Variants in DSCAML1 observed in about 807,000 individuals in gnomAD.
The protein encoded by DSCAML1 is DS cell adhesion molecule like 1, also known as cell adhesion molecule DSCAML1.
In DSCAML1, 38 loss-of-function variants were observed where a neutral mutation model predicts 200.5. That is an observed-to-expected ratio of 0.19 (90% CI 0.15 to 0.25). The LOEUF is 0.25. Among genes scored for constraint, DSCAML1 ranks in the 10% least tolerant of loss-of-function variants. DSCAML1 has a pLI of 1.00. For missense variants in DSCAML1, 2,223 were observed against 2,858.8 expected (o/e 0.78, Z 5.07); for synonymous variants, 1,215 against 1,165.0 (o/e 1.04, Z -0.87).
At chr11:117,802,781 G>A (rs1432368671) in intron 1 of DSCAML1, among the ~76,000 whole-genome samples, 3 of 152,028 alleles carry the variant, frequency 2.0e-5, no homozygotes, top group East Asian at 3.9e-4. Context: ...TTATGTTTTC[G>A]TCCATTTCTG....
At chr11:117,594,334 G>A (rs1052666914) in intron 3 of DSCAML1, among the ~76,000 whole-genome samples, 1 of 152,230 alleles carries the variant, frequency 6.6e-6, no homozygotes, top group Non-Finnish European at 1.5e-5. Context: ...CTTGGGTTTT[G>A]TGCATGAAAT....
At chr11:117,506,941 T>C (rs2049511303) in intron 8 of DSCAML1, among the ~76,000 whole-genome samples, 1 of 152,166 alleles carries the variant, frequency 6.6e-6, no homozygotes, top group Non-Finnish European at 1.5e-5. Context: ...GTTGGTTAGA[T>C]GCCTCTGGGC....
chr11:117,672,102 G>GGAAAAAAAAAAAAAAAAAAAAAAAA (rs1555196987), intron 3 of DSCAML1, among the ~76,000 whole-genome samples: 1 of 94,508 alleles, frequency 1.1e-5, no homozygotes, highest in African/African-American at 4.9e-5. Flanking sequence ...CTCCAGCTCA[G>GGAAAAAAAAAAAAAAAAAAAAAAAA]AAAAAAAAAA....
At chr11:117,604,566 G>A (rs1565820643) in intron 3 of DSCAML1, among the ~76,000 whole-genome samples, 1 of 152,236 alleles carries the variant, frequency 6.6e-6, no homozygotes, top group African/African-American at 2.4e-5. Context: ...GCAGAGCTGT[G>A]TGGCAAGGCG....
At chr11:117,658,655 G>C (rs910272982) in intron 3 of DSCAML1, among the ~76,000 whole-genome samples, 2 of 152,174 alleles carry the variant, frequency 1.3e-5, no homozygotes, top group African/African-American at 4.8e-5. Context: ...CCAACAAAAG[G>C]TTAACATCTC....
At chr11:117,802,169 T>C (rs2055665864), upstream of DSCAML1, 1 of 152,266 alleles carries the variant, frequency 6.6e-6, no homozygotes. Context: ...AAGTGTCTTC[T>C]ACACTGGAAA....
At chr11:117,458,949 G>C in intron 18 of DSCAML1, 40 bp from the exon 19 acceptor site, 1 of 1,599,014 alleles carries the variant, frequency 6.3e-7, no homozygotes, top group Non-Finnish European at 8.5e-7. Context: ...CAGCTCCATC[G>C]GGCTGTGGCC....
chr11:117,675,740 C>T (rs1013305536), intron 3 of DSCAML1, among the ~76,000 whole-genome samples: 5 of 152,082 alleles, frequency 3.3e-5, no homozygotes, highest in African/African-American at 9.7e-5. Flanking sequence ...CCTCGGGCAT[C>T]GTTTCTTGTT....
chr11:117,630,112 A>G (rs1482589860), intron 3 of DSCAML1, among the ~76,000 whole-genome samples: 1 of 152,174 alleles, frequency 6.6e-6, no homozygotes, highest in African/African-American at 2.4e-5. Flanking sequence ...CAGTGTCCCC[A>G]TGGAGAAAGC....
At chr11:117,678,046 T>C (rs2053247534) in intron 3 of DSCAML1, among the ~76,000 whole-genome samples, 1 of 152,214 alleles carries the variant, frequency 6.6e-6, no homozygotes, top group African/African-American at 2.4e-5. Context: ...TGGGGAGCAG[T>C]GCAGTGTTAA....
intron 3 of DSCAML1, among the ~76,000 whole-genome samples, chr11:117,589,415 C>T (rs1296359908): frequency 2.6e-5 from 4 of 152,152 alleles, no homozygotes; most frequent in Admixed American, 6.5e-5. Context: ...CCCCCTCCCA[C>T]CTCCCCCAAC....
At chr11:117,661,412 C>A (rs538491359) in intron 3 of DSCAML1, among the ~76,000 whole-genome samples, 5 of 152,148 alleles carry the variant, frequency 3.3e-5, no homozygotes, top group Non-Finnish European at 5.9e-5. Flanking sequence ...CACAGTGTAC[C>A]GTTACTGGCT....
intron 3 of DSCAML1, among the ~76,000 whole-genome samples, chr11:117,599,191 G>C (rs1039267715): frequency 2.0e-5 from 3 of 152,082 alleles, no homozygotes; most frequent in Admixed American, 2.0e-4. Flanking sequence ...TGACCCTGAG[G>C]AGGGGACCCT....
At chr11:117,572,838 C>T (rs1273623705) in intron 3 of DSCAML1, among the ~76,000 whole-genome samples, 3 of 152,168 alleles carry the variant, frequency 2.0e-5, no homozygotes, top group Admixed American at 6.5e-5. Context: ...CACCCTCCTG[C>T]CCTGGAGACC....
At chr11:117,535,531 G>T (rs537216829) in intron 3 of DSCAML1, among the ~76,000 whole-genome samples, 1 of 152,192 alleles carries the variant, frequency 6.6e-6, no homozygotes, top group Non-Finnish European at 1.5e-5. Flanking sequence ...GGTGGAGGGC[G>T]CCAAGCCCTG....
At chr11:117,570,103 T>C (rs1163057794) in intron 3 of DSCAML1, among the ~76,000 whole-genome samples, 1 of 150,502 alleles carries the variant, frequency 6.6e-6, no homozygotes, top group African/African-American at 2.5e-5. Flanking sequence ...AATGCGGGAA[T>C]GTGTTGGGGG....
At chr11:117,459,172 C>T (rs2048430838) in intron 18 of DSCAML1, among the ~76,000 whole-genome samples, 1 of 152,256 alleles carries the variant, frequency 6.6e-6, no homozygotes, top group South Asian at 2.1e-4. Context: ...CTTGCACCAA[C>T]TTCACCTTGA....
intron 1 of DSCAML1, among the ~76,000 whole-genome samples, chr11:117,808,919 C>G (rs1175575644): frequency 6.6e-6 from 1 of 152,148 alleles, no homozygotes; most frequent in African/African-American, 2.4e-5. Context: ...ATCACAAACC[C>G]CATCTCACAG....
At chr11:117,721,195 A>G (rs1565894296) in intron 3 of DSCAML1, among the ~76,000 whole-genome samples, 1 of 152,232 alleles carries the variant, frequency 6.6e-6, no homozygotes, top group East Asian at 1.9e-4. Context: ...ACCAAGCACT[A>G]TGCTAAACAA....
Sources: allele counts gnomAD v4.1 joint callset (sites outside exome capture counted in the v4.1 genomes callset), GRCh38; gene constraint gnomAD v4.1.1; transcripts MANE v1.5; gene names NCBI Gene and HGNC (gene_info 2026-07-23, HGNC 2026-07-21).